SPATS2L: variants seen among roughly 807,000 people sequenced by gnomAD.
SPATS2L encodes the protein spermatogenesis associated serine rich 2 like.
In SPATS2L, 30 loss-of-function variants were observed where a neutral mutation model predicts 59.6. The observed-to-expected ratio is 0.50, with a 90% confidence interval of 0.38 to 0.68. The LOEUF is 0.68. SPATS2L is among the 30% of genes least tolerant of loss of function. The pLI, the probability that SPATS2L is intolerant of heterozygous loss-of-function variation, is 0.00. For synonymous variants in SPATS2L, 252 were observed against 263.5 expected, an observed-to-expected ratio of 0.96 and a Z score of 0.42; for missense variants, 615 against 700.0, an observed-to-expected ratio of 0.88 and a Z score of 1.37.
In SPATS2L at chr2:200,333,901, A is replaced by G. The variant is rs977604615; in HGVS notation, c.-23+4421A>G. On this transcript the variant is annotated intron_variant, in intron 2 of 12. Coordinates refer to ENST00000409140, the MANE Select transcript of SPATS2L (RefSeq NM_001100423.2). ...CCACATTTTCTTAATCCAGTCTATC[A>G]TTGTTGGACATTTGGGTTGGTTCCA... Among the ~76,000 whole-genome samples, 13 of 64,182 alleles carry G rather than the reference A, an allele frequency of 2.0e-4. 1 individual carries two copies. Among genetic ancestry groups the G allele is most frequent in the Admixed American group, 8.1e-4 (3 of 3,682 alleles). 42.1% of individuals were successfully genotyped at this position (64,182 alleles called of 152,430 possible). A position where few individuals can be genotyped will look rare whatever the true frequency, so the allele number is the denominator to read the frequency against.
chr2:200,388,517 A>G (rs1280310215), intron 2 of SPATS2L, among the ~76,000 whole-genome samples: 2 of 152,018 alleles, frequency 1.3e-5, no homozygotes, highest in African/African-American at 4.8e-5. Context: ...GGCTGCAGTG[A>G]ACTGCGATCA....
At chr2:200,425,928 G>T (rs895948485) in intron 6 of SPATS2L, among the ~76,000 whole-genome samples, 2 of 152,120 alleles carry the variant, frequency 1.3e-5, no homozygotes, top group Non-Finnish European at 2.9e-5. Flanking sequence ...CCACTGTGAC[G>T]TAAGTGTCTG....
chr2:200,344,302 T>C (rs1386838373), intron 2 of SPATS2L, among the ~76,000 whole-genome samples: 1 of 152,198 alleles, frequency 6.6e-6, no homozygotes, highest in Non-Finnish European at 1.5e-5. Context: ...CTCCCACTTA[T>C]AAGTGAGAAC....
intron 3 of SPATS2L, among the ~76,000 whole-genome samples, chr2:200,401,556 T>G (rs1296824440): frequency 6.6e-6 from 1 of 152,188 alleles, no homozygotes; most frequent in Non-Finnish European, 1.5e-5. Flanking sequence ...GTAAATGAGT[T>G]GACAGGTGAG....
intron 8 of SPATS2L, among the ~76,000 whole-genome samples, chr2:200,448,371 G>T (rs2085204222): frequency 6.6e-6 from 1 of 152,298 alleles, no homozygotes; most frequent in African/African-American, 2.4e-5. Context: ...GAACCTGGGA[G>T]GCAGAGGTGG....
intron 6 of SPATS2L, among the ~76,000 whole-genome samples, chr2:200,425,340 A>G (rs1383945188): frequency 6.6e-6 from 1 of 152,144 alleles, no homozygotes; most frequent in African/African-American, 2.4e-5. Flanking sequence ...AACAAAAAGA[A>G]AGCAGCCAGC....
chr2:200,329,600 C>A, intron 2 of SPATS2L, 120 bp downstream of exon 2: 2 of 801,466 alleles, frequency 2.5e-6, no homozygotes, highest in South Asian at 3.2e-5. Context: ...TCTGCTGCCT[C>A]TCAGGGCTCA....
intron 3 of SPATS2L, among the ~76,000 whole-genome samples, chr2:200,408,115 G>T (rs2082750532): frequency 6.6e-6 from 1 of 152,140 alleles, no homozygotes; most frequent in African/African-American, 2.4e-5. Flanking sequence ...TGAGGCAAAG[G>T]TGACCTCTGG....
intron 1 of SPATS2L, among the ~76,000 whole-genome samples, chr2:200,328,316 CATT>C (rs984974062): frequency 6.6e-6 from 1 of 152,110 alleles, no homozygotes; most frequent in African/African-American, 2.4e-5. Flanking sequence ...ATATCTTTGG[CATT>C]ATTCATGGTG....
At chr2:200,319,508 T>C (rs1169497343) in intron 1 of SPATS2L, among the ~76,000 whole-genome samples, 1 of 135,488 alleles carries the variant, frequency 7.4e-6, no homozygotes, top group East Asian at 2.1e-4. Context: ...GAGGTTGCAG[T>C]GAGCCAAGAT....
chr2:200,353,877 A>G (rs912516828), intron 2 of SPATS2L, among the ~76,000 whole-genome samples: 2 of 152,328 alleles, frequency 1.3e-5, no homozygotes, highest in South Asian at 2.1e-4. Flanking sequence ...GTGAGAAGAG[A>G]ACATTCCATA....
intron 8 of SPATS2L, among the ~76,000 whole-genome samples, chr2:200,442,840 A>AT (rs2084787502): frequency 6.6e-6 from 1 of 152,094 alleles, no homozygotes; most frequent in Admixed American, 6.6e-5. Context: ...GAAATAGTAT[A>AT]TTTTTTCTCT....
At chr2:200,385,876 G>A (rs542938745) in intron 2 of SPATS2L, among the ~76,000 whole-genome samples, 1 of 152,178 alleles carries the variant, frequency 6.6e-6, no homozygotes, top group South Asian at 2.1e-4. Context: ...TGTATTTTTA[G>A]TGGAGACAGG....
At chr2:200,448,543 T>TA (rs1447021024) in intron 8 of SPATS2L, among the ~76,000 whole-genome samples, 1 of 152,262 alleles carries the variant, frequency 6.6e-6, no homozygotes, top group Non-Finnish European at 1.5e-5. Context: ...TTGTGTTTTT[T>TA]AATGTTTTGT....
chr2:200,379,553 A>G (rs2081726798), intron 2 of SPATS2L, among the ~76,000 whole-genome samples: 1 of 152,190 alleles, frequency 6.6e-6, no homozygotes, highest in South Asian at 2.1e-4. Flanking sequence ...GGGGAAGGAA[A>G]GGAAGAAAGG....
chr2:200,418,420 A>T (rs927441380), intron 5 of SPATS2L, among the ~76,000 whole-genome samples: 25 of 152,144 alleles, frequency 1.6e-4, no homozygotes, highest in Admixed American at 5.9e-4. Flanking sequence ...AAAACATTTT[A>T]AAAAATAGCT....
intron 3 of SPATS2L, among the ~76,000 whole-genome samples, chr2:200,409,248 G>A (rs1391780019): frequency 1.3e-5 from 2 of 152,230 alleles, no homozygotes; most frequent in Non-Finnish European, 2.9e-5. Context: ...CCTTCCAGGA[G>A]CATCCGTCCT....
intron 2 of SPATS2L, among the ~76,000 whole-genome samples, chr2:200,364,005 A>T (rs1217052708): frequency 6.6e-6 from 1 of 152,214 alleles, no homozygotes; most frequent in East Asian, 1.9e-4. Context: ...AGAGTGAAAA[A>T]AAACAGATAT....
intron 1 of SPATS2L, among the ~76,000 whole-genome samples, chr2:200,326,006 CA>C (rs2079726179): frequency 6.6e-6 from 1 of 152,194 alleles, no homozygotes; most frequent in African/African-American, 2.4e-5. Context: ...GCTCAAGGCA[CA>C]TGCTATTGTT....
Sources: gnomAD v4.1 joint callset for allele counts (sites outside exome capture counted in the v4.1 genomes callset) on GRCh38, gnomAD v4.1.1 for gene constraint, MANE v1.5 for transcripts, NCBI Gene and HGNC (gene_info 2026-07-23, HGNC 2026-07-21) for gene names.